PDIA5: variants seen among roughly 807,000 people sequenced by gnomAD.
PDIA5 encodes the protein protein disulfide isomerase family A member 5.
PDIA5 carries 58 observed loss-of-function variants against 77.6 expected under a neutral mutation model. The observed-to-expected ratio is 0.75, with a 90% confidence interval of 0.61 to 0.93. The LOEUF (loss-of-function observed/expected upper bound fraction) is 0.93. PDIA5 is among the 40% of genes least tolerant of loss of function. The pLI, the probability that PDIA5 is intolerant of heterozygous loss-of-function variation, is 0.00. For missense variants in PDIA5, 630 were observed against 647.7 expected, an observed-to-expected ratio of 0.97 and a Z score of 0.30; for synonymous variants, 250 against 252.1, an observed-to-expected ratio of 0.99 and a Z score of 0.08.
chr3:123,093,606 G>A (rs1047840121), intron 3 of PDIA5, among the ~76,000 whole-genome samples: 9 of 152,194 alleles, frequency 5.9e-5, no homozygotes, highest in African/African-American at 2.2e-4. Flanking sequence ...CTGGGTCCAT[G>A]TAACAGACAT....
Position 123,124,346 on chromosome 3 carries a change from A to C in PDIA5, c.773+3A>C. 1 of 1,610,444 alleles carries C rather than the reference A, an allele frequency of 6.2e-7. No homozygotes were observed. The highest frequency in any genetic ancestry group is 8.5e-7 in the Non-Finnish European group (1 of 1,176,582). On this transcript the variant is annotated splice_donor_region_variant and intron_variant, in intron 10 of 16. Transcript: ENST00000316218. ...GACATTGTGGAGTGGCTGAAGAAGT[A>C]AGTGGGGTGTGTGTGTGTCAGTGGG...
chr3:123,117,374 T>TTATATATATATATATATATATA (rs370968904), intron 8 of PDIA5, among the ~76,000 whole-genome samples: 880 of 79,698 alleles, frequency 0.011, 31 homozygotes, highest in Non-Finnish European at 0.014. Flanking sequence ...TTCTATGATT[T>TTATATATATATATATATATATA]TATATATATA....
intron 1 of PDIA5, among the ~76,000 whole-genome samples, chr3:123,083,894 TG>T: frequency 6.6e-6 from 1 of 152,170 alleles, no homozygotes; most frequent in Middle Eastern, 3.4e-3. Flanking sequence ...GAATGTTAAG[TG>T]GCAGGAGGAA....
In PDIA5 at chr3:123,130,208, T is replaced by G. The variant is rs541675901; in HGVS notation, c.774-272T>G. On this transcript the variant is annotated intron_variant, in intron 10 of 16. Transcript: ENST00000316218. ...CAGGAGGAAGTGAGATTTCTTAGGC[T>G]ATCTAGAGAGCTGTAGCCAGAAGCC... Among the ~76,000 whole-genome samples the G allele has an allele frequency of 9.6e-4, 146 of 152,376 alleles. 1 individual carries two copies. Among genetic ancestry groups the G allele is most frequent in the Admixed American group, 2.4e-3 (36 of 15,308 alleles).
At chr3:123,132,717 G>A (rs1935398789) in intron 11 of PDIA5, among the ~76,000 whole-genome samples, 1 of 152,200 alleles carries the variant, frequency 6.6e-6, no homozygotes, top group Admixed American at 6.5e-5. Context: ...AGCGAGTCTT[G>A]CAGGAATTGA....
intron 8 of PDIA5, among the ~76,000 whole-genome samples, chr3:123,119,695 A>G (rs1473836765): frequency 6.6e-6 from 1 of 152,164 alleles, no homozygotes; most frequent in Non-Finnish European, 1.5e-5. Flanking sequence ...GTCTTCACAC[A>G]CAGAAAAGAG....
intron 1 of PDIA5, among the ~76,000 whole-genome samples, chr3:123,077,388 C>A (rs1444121449): frequency 2.0e-5 from 3 of 152,158 alleles, no homozygotes; most frequent in Non-Finnish European, 2.9e-5. Flanking sequence ...GGGCTAATCC[C>A]TAAGCCCTGG....
chr3:123,154,833 A>T, intron 14 of PDIA5, 138 bp from the exon 15 acceptor site: 1 of 685,610 alleles, frequency 1.5e-6, no homozygotes, highest in South Asian at 1.6e-5. Context: ...CAAGGTTGAC[A>T]AAAGGACCCT....
intron 11 of PDIA5, among the ~76,000 whole-genome samples, chr3:123,133,936 G>C (rs1935428849): frequency 6.6e-6 from 1 of 152,128 alleles, no homozygotes; most frequent in Admixed American, 6.6e-5. Context: ...GATTCCCAGA[G>C]AAAACCTGGT....
At chr3:123,081,804 G>A (rs115149562) in intron 1 of PDIA5, among the ~76,000 whole-genome samples, 3 of 152,324 alleles carry the variant, frequency 2.0e-5, no homozygotes, top group Non-Finnish European at 4.4e-5. Context: ...GTGCTGGCAC[G>A]CGCCCCAGAG....
intron 4 of PDIA5, 38 bp downstream of exon 4, chr3:123,102,532 G>A: frequency 6.8e-7 from 1 of 1,473,936 alleles, no homozygotes; most frequent in South Asian, 1.1e-5. Context: ...CCAAGTAAGT[G>A]CCAAATGCTT....
intron 1 of PDIA5, among the ~76,000 whole-genome samples, chr3:123,074,579 A>C (rs1933802371): frequency 6.6e-6 from 1 of 152,198 alleles, no homozygotes. Flanking sequence ...AAGCTTGATA[A>C]CTTCTATAAT....
rs1934316697 is a variant in PDIA5, at chr3:123,092,343, T to G, written c.170-12T>G. The G allele has an allele frequency of 6.2e-7, 1 of 1,611,922 alleles. No homozygotes were observed. The highest frequency in any genetic ancestry group is 8.5e-7 in the Non-Finnish European group (1 of 1,178,492). The stretch of plus-strand genomic sequence containing the variant: ...GGTCACAGATGTTTAATTTTTTGTT[T>G]TTTTTTTACAGAGGTGGCAGCTGAA... On this transcript the variant is annotated splice_polypyrimidine_tract_variant and intron_variant, in intron 2 of 16. Transcript: ENST00000316218.
chr3:123,088,436 A>G (rs980417203), intron 1 of PDIA5, among the ~76,000 whole-genome samples: 27 of 152,266 alleles, frequency 1.8e-4, no homozygotes, highest in African/African-American at 6.5e-4. Context: ...CATCCTAAGC[A>G]TTAAGGGATG....
At chr3:123,071,706 T>TG (rs1336533601) in intron 1 of PDIA5, among the ~76,000 whole-genome samples, 1 of 151,340 alleles carries the variant, frequency 6.6e-6, no homozygotes, top group Non-Finnish European at 1.5e-5. Context: ...GGACACCGAG[T>TG]GATCAGAGAA....
rs187764523 is a variant in PDIA5, at chr3:123,099,798, G to A, written c.258-2613G>A. On this transcript the variant is annotated intron_variant, in intron 3 of 16. Coordinates refer to ENST00000316218, the MANE Select transcript of PDIA5 (RefSeq NM_006810.4). ...CCACAGAGTGGACCAGGATTGGCGT[G>A]GAAATGAACCAAGCCCCTGTTTCCT... is the stretch of plus-strand genomic sequence containing the variant. Among the ~76,000 whole-genome samples the A allele has an allele frequency of 3.4e-3, 514 of 152,350 alleles. 3 individuals carry two copies. The highest frequency in any genetic ancestry group is 5.2e-3 in the Admixed American group (79 of 15,306).
chr3:123,069,015 G>T (rs1933659640), intron 1 of PDIA5, among the ~76,000 whole-genome samples: 3 of 152,214 alleles, frequency 2.0e-5, no homozygotes, highest in Admixed American at 6.5e-5. Context: ...AGAGCAGGTA[G>T]GTTTGCTGAA....
intron 13 of PDIA5, among the ~76,000 whole-genome samples, chr3:123,149,390 G>T (rs927518315): frequency 6.6e-6 from 1 of 152,228 alleles, no homozygotes; most frequent in Non-Finnish European, 1.5e-5. Context: ...CTCAGCTGGT[G>T]CAGGGGCTGT....
Position 123,102,743 on chromosome 3 carries a change from T to C in PDIA5, c.342-8T>C. On this transcript the variant is annotated splice_polypyrimidine_tract_variant and splice_region_variant and intron_variant, in intron 4 of 16. Transcript: ENST00000316218. ...TAAAGTTAACACATTTTTCTCCTCA[T>C]TTGACAGGGATGGTGCATTTCATAC... The C allele has an allele frequency of 6.2e-7, 1 of 1,605,338 alleles. No individual in the cohort carries two copies. Among genetic ancestry groups the C allele is most frequent in the Non-Finnish European group, 8.5e-7 (1 of 1,171,888 alleles).
Sources: gnomAD v4.1 joint callset for allele counts (sites outside exome capture counted in the v4.1 genomes callset) on GRCh38, gnomAD v4.1.1 for gene constraint, MANE v1.5 for transcripts, NCBI Gene and HGNC (gene_info 2026-07-23, HGNC 2026-07-21) for gene names.